The following PLPPR1 variants were observed in gnomAD, a reference collection of about 807,000 sequenced individuals.
PLPPR1 encodes phospholipid phosphatase-related protein type 1.
PLPPR1 carries 10 observed loss-of-function variants against 33.1 expected under a neutral mutation model. The observed-to-expected ratio is 0.30, with a 90% CI of 0.19 to 0.51. The LOEUF is 0.51. Ranked by LOEUF, PLPPR1 falls within the 20% of genes least tolerant of loss-of-function variation. The pLI is 0.97. For synonymous variants in PLPPR1, 151 were observed against 151.0 expected, an observed-to-expected ratio of 1.00 and a Z score of 0.00; for missense variants, 304 against 408.1, an observed-to-expected ratio of 0.74 and a Z score of 2.20.
intron 1 of PLPPR1, among the ~76,000 whole-genome samples, chr9:101,114,433 A>G (rs1193551179): frequency 6.6e-6 from 1 of 152,212 alleles, no homozygotes; most frequent in Admixed American, 6.5e-5. Flanking sequence ...GGAAATAGAT[A>G]TGGCTGTGTG....
At chr9:101,257,924 G>A (rs1478910142) in intron 2 of PLPPR1, among the ~76,000 whole-genome samples, 1 of 152,050 alleles carries the variant, frequency 6.6e-6, no homozygotes, top group Non-Finnish European at 1.5e-5. Context: ...TTTTAATGTG[G>A]ATATTATTAT....
intron 2 of PLPPR1, among the ~76,000 whole-genome samples, chr9:101,252,403 C>T (rs1259058741): frequency 6.6e-6 from 1 of 152,154 alleles, no homozygotes; most frequent in African/African-American, 2.4e-5. Flanking sequence ...CAGGTCTGAA[C>T]ACTTGTGATC....
At chr9:101,081,825 G>A (rs1473016608) in intron 1 of PLPPR1, among the ~76,000 whole-genome samples, 2 of 152,216 alleles carry the variant, frequency 1.3e-5, no homozygotes, top group East Asian at 1.9e-4. Flanking sequence ...AGGGGAATCC[G>A]CTGAAGCTTG....
intron 2 of PLPPR1, among the ~76,000 whole-genome samples, chr9:101,243,170 C>G (rs937998927): frequency 6.6e-6 from 1 of 151,870 alleles, no homozygotes; most frequent in Non-Finnish European, 1.5e-5. Flanking sequence ...TATTTGCAGG[C>G]GACAGCTATG....
intron 2 of PLPPR1, among the ~76,000 whole-genome samples, chr9:101,261,404 A>G (rs1440340612): frequency 6.6e-6 from 1 of 152,168 alleles, no homozygotes; most frequent in African/African-American, 2.4e-5. Context: ...TATTAGTTGA[A>G]TGACTGGATG....
chr9:101,094,991 G>A (rs1830797488), intron 1 of PLPPR1, among the ~76,000 whole-genome samples: 1 of 152,146 alleles, frequency 6.6e-6, no homozygotes, highest in African/African-American at 2.4e-5. Context: ...CTGAACACAA[G>A]CTCCAGGCTG....
At chr9:101,294,627 G>T (rs1287974352) in intron 4 of PLPPR1, among the ~76,000 whole-genome samples, 1 of 151,890 alleles carries the variant, frequency 6.6e-6, no homozygotes. Context: ...CTTCATCCCT[G>T]GGATGCAAGG....
intron 2 of PLPPR1, among the ~76,000 whole-genome samples, chr9:101,219,438 T>A (rs575228232): frequency 6.6e-6 from 1 of 152,358 alleles, no homozygotes; most frequent in Non-Finnish European, 1.5e-5. Flanking sequence ...TCTCACCTTG[T>A]TGCTCTCTAT....
intron 1 of PLPPR1, among the ~76,000 whole-genome samples, chr9:101,036,411 C>T (rs1564126872): frequency 6.6e-6 from 1 of 152,128 alleles, no homozygotes; most frequent in Non-Finnish European, 1.5e-5. Flanking sequence ...AAAGCTCTAT[C>T]TGCCTGTCAT....
chr9:101,305,123 A>T (rs919331057), intron 4 of PLPPR1, among the ~76,000 whole-genome samples: 1 of 152,128 alleles, frequency 6.6e-6, no homozygotes, highest in African/African-American at 2.4e-5. Context: ...TGAAAGAAAG[A>T]AAGCCTTTCC....
chr9:101,135,132 C>A (rs1409923128), intron 1 of PLPPR1, among the ~76,000 whole-genome samples: 1 of 152,162 alleles, frequency 6.6e-6, no homozygotes, highest in African/African-American at 2.4e-5. Context: ...TTACAAAGAA[C>A]CTGGACTGGG....
chr9:101,113,775 T>C (rs900891173), intron 1 of PLPPR1, among the ~76,000 whole-genome samples: 2 of 151,876 alleles, frequency 1.3e-5, no homozygotes, highest in African/African-American at 2.4e-5. Context: ...CCTTTTTTTT[T>C]CACAAGAAAA....
intron 1 of PLPPR1, among the ~76,000 whole-genome samples, chr9:101,170,278 T>A (rs1987400): frequency 0.15 from 23,161 of 152,044 alleles, 2,045 homozygotes; most frequent in Non-Finnish European, 0.2. Flanking sequence ...ATAACCAAGA[T>A]GGGTAATTTG....
chr9:101,218,788 TA>T (rs1826860809), intron 2 of PLPPR1, among the ~76,000 whole-genome samples: 2 of 152,244 alleles, frequency 1.3e-5, no homozygotes, highest in South Asian at 4.1e-4. Flanking sequence ...GGTAGCAAAC[TA>T]AAACCATTAA....
chr9:101,049,205 A>G (rs1464355158), intron 1 of PLPPR1, among the ~76,000 whole-genome samples: 3 of 152,240 alleles, frequency 2.0e-5, no homozygotes, highest in Non-Finnish European at 4.4e-5. Flanking sequence ...AAAATTAATT[A>G]TGTTTTCATT....
chr9:101,236,933 T>C (rs1400935547), intron 2 of PLPPR1, among the ~76,000 whole-genome samples: 1 of 151,718 alleles, frequency 6.6e-6, no homozygotes, highest in Non-Finnish European at 1.5e-5. Flanking sequence ...TTGCAAACTA[T>C]ATATCTGACA....
At chr9:101,299,026 C>T (rs1828698622) in intron 4 of PLPPR1, among the ~76,000 whole-genome samples, 1 of 152,136 alleles carries the variant, frequency 6.6e-6, no homozygotes, top group African/African-American at 2.4e-5. Flanking sequence ...GTTCAATCTA[C>T]CCAGGTAGTC....
chr9:101,122,886 G>T (rs1831194463), intron 1 of PLPPR1, among the ~76,000 whole-genome samples: 1 of 152,226 alleles, frequency 6.6e-6, no homozygotes, highest in African/African-American at 2.4e-5. Flanking sequence ...AGAGGAGCTA[G>T]ATCTGTATTT....
intron 3 of PLPPR1, among the ~76,000 whole-genome samples, chr9:101,282,686 T>G (rs886361041): frequency 6.6e-6 from 1 of 152,140 alleles, no homozygotes; most frequent in Non-Finnish European, 1.5e-5. Flanking sequence ...ACTGTTAGAA[T>G]AAACTGGTTC....
Sources: gnomAD v4.1 joint callset for allele counts (sites outside exome capture counted in the v4.1 genomes callset) on GRCh38, gnomAD v4.1.1 for gene constraint, MANE v1.5 for transcripts, NCBI Gene and HGNC (gene_info 2026-07-23, HGNC 2026-07-21) for gene names.